Variants in COG5 observed in about 807,000 individuals in gnomAD.
COG5 encodes the protein conserved oligomeric Golgi complex subunit 5.
COG5 carries 86 observed loss-of-function variants against 110.4 expected under a neutral mutation model. That is an observed-to-expected ratio of 0.78 (90% CI 0.65 to 0.93). The LOEUF (loss-of-function observed/expected upper bound fraction) is 0.93, where lower values mean the gene tolerates loss of function less well. Among genes scored for constraint, COG5 ranks in the 40% least tolerant of loss-of-function variants. The pLI, the probability that COG5 is intolerant of heterozygous loss-of-function variation, is 0.00. For synonymous variants in COG5, 360 were observed against 334.6 expected (o/e 1.08, Z -0.83); for missense variants, 1,077 against 987.0 (o/e 1.09, Z -1.22).
At chr7:107,226,829 A>G (rs1800375346) in intron 19 of COG5, among the ~76,000 whole-genome samples, 1 of 152,254 alleles carries the variant, frequency 6.6e-6, no homozygotes, top group Non-Finnish European at 1.5e-5. Flanking sequence ...AAGCACTAGG[A>G]TTAATTCAGT....
chr7:107,522,194 C>A (rs563257459), intron 6 of COG5, among the ~76,000 whole-genome samples: 1 of 152,292 alleles, frequency 6.6e-6, no homozygotes, highest in East Asian at 1.9e-4. Context: ...CTAGGCCAGG[C>A]GCAGTGGCTC....
At chr7:107,204,401 G>C (rs919470120) in intron 21 of COG5, among the ~76,000 whole-genome samples, 5 of 152,064 alleles carry the variant, frequency 3.3e-5, no homozygotes, top group African/African-American at 1.2e-4. Context: ...GAAAAAGTTC[G>C]TCAGTCCCTG....
chr7:107,369,384 C>CT (rs567770114), intron 8 of COG5, among the ~76,000 whole-genome samples: 1,248 of 103,146 alleles, frequency 0.012, 28 homozygotes, highest in African/African-American at 0.022. Context: ...AACAAAAATT[C>CT]TTTTTTTTTT....
Position 107,558,192 on chromosome 7 carries a change from AATC to A in COG5, c.95-80_95-78del. On this transcript the variant is annotated intron_variant, in intron 1 of 21. Transcript: ENST00000297135. ...AGTTATTAAACAACAGAACAATTAT[AATC>A]ATAATTAACATATTTTGATCCCATA... 2.1e-6 allele frequency: 3 copies of A among 1,423,708 alleles called. No individual in the cohort carries two copies. In the South Asian group the frequency reaches 3.5e-5, roughly 17 times the overall value. The allele number at this position is 1,423,708 out of a possible 1,614,324, so 88.2% of individuals were successfully genotyped here. A position where few individuals can be genotyped will look rare whatever the true frequency, so the allele number is the denominator to read the frequency against.
intron 6 of COG5, among the ~76,000 whole-genome samples, chr7:107,509,207 C>T (rs1235875072): frequency 2.0e-5 from 3 of 152,092 alleles, no homozygotes; most frequent in Non-Finnish European, 4.4e-5. Context: ...CTTAAAGGAG[C>T]TGAGGTAGCT....
At chr7:107,507,846 C>T (rs975950949) in intron 6 of COG5, among the ~76,000 whole-genome samples, 3 of 152,192 alleles carry the variant, frequency 2.0e-5, no homozygotes, top group Non-Finnish European at 4.4e-5. Context: ...CTCTCTTCCA[C>T]AATAAATGTA....
chr7:107,375,474 G>A (rs1211745469), intron 7 of COG5, among the ~76,000 whole-genome samples: 1 of 152,006 alleles, frequency 6.6e-6, no homozygotes, highest in African/African-American at 2.4e-5. Flanking sequence ...TCCCACCAGC[G>A]ATATATGAAA....
chr7:107,524,847 T>C (rs1338188986), intron 6 of COG5, among the ~76,000 whole-genome samples: 2 of 152,172 alleles, frequency 1.3e-5, no homozygotes, highest in Non-Finnish European at 2.9e-5. Flanking sequence ...CAACAGCACA[T>C]TGGAAGGATA....
At chr7:107,275,368 T>A (rs1308777205) in intron 14 of COG5, among the ~76,000 whole-genome samples, 1 of 151,910 alleles carries the variant, frequency 6.6e-6, no homozygotes, top group Non-Finnish European at 1.5e-5. Flanking sequence ...GAAAGTGCGT[T>A]TGGTCAAAAA....
chr7:107,371,645 AG>A (rs1422073867), intron 8 of COG5, among the ~76,000 whole-genome samples: 1 of 152,206 alleles, frequency 6.6e-6, no homozygotes, highest in African/African-American at 2.4e-5. Flanking sequence ...TGAAGACTGA[AG>A]AAATAACATG....
intron 21 of COG5, among the ~76,000 whole-genome samples, chr7:107,206,598 G>A (rs752240429): frequency 2.6e-4 from 39 of 152,252 alleles, no homozygotes; most frequent in Non-Finnish European, 4.9e-4. Context: ...ATGTATCAGC[G>A]TATAAGAAGT....
intron 6 of COG5, among the ~76,000 whole-genome samples, chr7:107,458,764 C>A (rs986034300): frequency 1.3e-5 from 2 of 152,074 alleles, no homozygotes; most frequent in African/African-American, 4.8e-5. Context: ...GAGGCTGAGG[C>A]AGGAAGATCA....
intron 6 of COG5, among the ~76,000 whole-genome samples, chr7:107,521,225 T>G (rs1359849212): frequency 6.6e-6 from 1 of 152,182 alleles, no homozygotes. Context: ...ATTCAGGGCA[T>G]GGGCATGGGC....
chr7:107,501,844 T>C (rs1798654496), intron 6 of COG5, among the ~76,000 whole-genome samples: 1 of 152,086 alleles, frequency 6.6e-6, no homozygotes, highest in Admixed American at 6.6e-5. Context: ...TTAAATCAAA[T>C]GTACAAACAG....
At chr7:107,381,545 T>C (rs957408015) in intron 7 of COG5, among the ~76,000 whole-genome samples, 2 of 152,200 alleles carry the variant, frequency 1.3e-5, no homozygotes, top group Admixed American at 1.3e-4. Context: ...CCTGGACATT[T>C]TGCAATTCAC....
chr7:107,377,867 C>T (rs895239954), intron 7 of COG5, among the ~76,000 whole-genome samples: 1 of 152,202 alleles, frequency 6.6e-6, no homozygotes, highest in Non-Finnish European at 1.5e-5. Context: ...GCTGTGGGCG[C>T]AACTACAGCA....
At chr7:107,554,944 T>C (rs1803199580) in intron 2 of COG5, among the ~76,000 whole-genome samples, 1 of 152,220 alleles carries the variant, frequency 6.6e-6, no homozygotes. Context: ...CAAGTGGAGT[T>C]GTGCCAAAAA....
chr7:107,217,788 C>G (rs1280233758), intron 19 of COG5, among the ~76,000 whole-genome samples: 1 of 152,094 alleles, frequency 6.6e-6, no homozygotes, highest in South Asian at 2.1e-4. Context: ...AGCTTTTCCT[C>G]TAAGATCAGG....
intron 6 of COG5, chr7:107,471,406 C>T (rs73187379): frequency 1.3e-5 from 2 of 151,932 alleles, no homozygotes; most frequent in Non-Finnish European, 2.9e-5. Context: ...TTACAACTGA[C>T]AATATGAAGA....
Sources: allele counts gnomAD v4.1 joint callset (sites outside exome capture counted in the v4.1 genomes callset), GRCh38; gene constraint gnomAD v4.1.1; transcripts MANE v1.5; gene names NCBI Gene and HGNC (gene_info 2026-07-23, HGNC 2026-07-21).